Variants in SLC2A9 observed in about 807,000 individuals in gnomAD.
SLC2A9 encodes solute carrier family 2 member 9.
SLC2A9 carries 39 observed loss-of-function variants against 50.6 expected under a neutral mutation model. The ratio of observed to expected loss-of-function variants is 0.77; its 90% confidence interval spans 0.60 to 1.01. The LOEUF (loss-of-function observed/expected upper bound fraction) is 1.01. SLC2A9 is among the 50% of genes least tolerant of loss of function. The probability of loss-of-function intolerance (pLI) is 0.00; values close to 1 mark genes in which losing one functional copy is unlikely to be tolerated. For missense variants in SLC2A9, 686 were observed against 677.6 expected (o/e 1.01, Z -0.14); for synonymous variants, 324 against 276.9 (o/e 1.17, Z -1.69).
chr4:9,951,381 T>G (rs988920181), intron 5 of SLC2A9, among the ~76,000 whole-genome samples: 1 of 152,256 alleles, frequency 6.6e-6, no homozygotes, highest in Admixed American at 6.5e-5. Flanking sequence ...CTGAAGGGTA[T>G]AAAAAGGAAT....
upstream of SLC2A9, chr4:10,026,136 C>A: frequency 1.5e-6 from 1 of 652,802 alleles, no homozygotes; most frequent in East Asian, 2.8e-5. Flanking sequence ...CAGGATAGGA[C>A]ACAGCAGCAT....
intron 10 of SLC2A9, among the ~76,000 whole-genome samples, chr4:9,846,541 G>A (rs561747434): frequency 7.9e-5 from 12 of 152,286 alleles, no homozygotes; most frequent in African/African-American, 2.6e-4. Flanking sequence ...TGGCTCTGCT[G>A]ACCACCAGGT....
In SLC2A9 at chr4:9,955,867, A is replaced by ATTTTT. The variant is rs1170286158; in HGVS notation, c.682-13827_682-13823dup. ...TCTGAGGTAGGGCTCAAGCATCTGG[A>ATTTTT]TTTTTTTTTTTTTTTTTTTTTTTTT... On this transcript the variant is annotated intron_variant, in intron 5 of 11. Coordinates refer to ENST00000264784, the MANE Select transcript of SLC2A9 (RefSeq NM_020041.3). 5.7e-3 allele frequency among the ~76,000 whole-genome samples: 353 copies of ATTTTT among 61,694 alleles called. 88 individuals are homozygous for ATTTTT. The highest frequency in any genetic ancestry group is 0.019 in the African/African-American group (279 of 14,400). 40.5% of individuals were successfully genotyped at this position (61,694 alleles called of 152,430 possible).
At chr4:10,023,426 C>A (rs1437086108), upstream of SLC2A9, among the ~76,000 whole-genome samples, 1 of 152,226 alleles carries the variant, frequency 6.6e-6, no homozygotes, top group African/African-American at 2.4e-5. Context: ...TCTCTATACC[C>A]TCCCTGTTTC....
At chr4:9,998,114 C>T (rs534896469) in intron 2 of SLC2A9, among the ~76,000 whole-genome samples, 1 of 152,170 alleles carries the variant, frequency 6.6e-6, no homozygotes, top group Non-Finnish European at 1.5e-5. Context: ...TCATCGCTGC[C>T]AATTCTGATT....
chr4:9,917,325 C>CTTTTTTTTTTT (rs55927201), intron 7 of SLC2A9, among the ~76,000 whole-genome samples: 36 of 81,806 alleles, frequency 4.4e-4, no homozygotes, highest in African/African-American at 6.6e-4. Context: ...TTCTTTTTTC[C>CTTTTTTTTTTT]TTTTTTTTTT....
intron 3 of SLC2A9, among the ~76,000 whole-genome samples, chr4:9,792,409 A>G (rs961691845): frequency 2.0e-5 from 3 of 151,692 alleles, no homozygotes; most frequent in Non-Finnish European, 2.9e-5. Flanking sequence ...GTTGGTCTCA[A>G]ACTCCTGAGC....
Position 9,969,548 on chromosome 4 carries a change from T to C in SLC2A9, c.681+11044A>G, listed in dbSNP as rs146658616. On this transcript the variant is annotated intron_variant, in intron 5 of 11. Coordinates refer to ENST00000264784, the MANE Select transcript of SLC2A9 (RefSeq NM_020041.3). ...CCAAGATGGCAGATTAGAGGCATTGTTAGCATGCCTCTTGTATTAGTCCCT... is the reference window on the plus strand; with the variant it reads ...CCAAGATGGCAGATTAGAGGCATTGCTAGCATGCCTCTTGTATTAGTCCCT... 3.2e-3 allele frequency among the ~76,000 whole-genome samples: 495 copies of C among 152,330 alleles called. 2 individuals carry two copies. Among genetic ancestry groups the C allele is most frequent in the Non-Finnish European group, 4.8e-3 (327 of 68,016 alleles).
intron 3 of SLC2A9, among the ~76,000 whole-genome samples, chr4:9,793,688 TG>T (rs369722598): frequency 5.9e-5 from 9 of 152,318 alleles, no homozygotes; most frequent in African/African-American, 2.2e-4. Context: ...GTTTTTTGTT[TG>T]GTTTTGGTAT....
intron 8 of SLC2A9, among the ~76,000 whole-genome samples, chr4:9,896,563 CCTT>C (rs377200271): frequency 1.1e-3 from 169 of 152,290 alleles, no homozygotes; most frequent in African/African-American, 3.7e-3. Context: ...CTTTTTATCT[CCTT>C]AACAATACCT....
chr4:9,845,264 C>T (rs963257367), intron 10 of SLC2A9, among the ~76,000 whole-genome samples: 2 of 151,806 alleles, frequency 1.3e-5, no homozygotes, highest in African/African-American at 4.8e-5. Context: ...CCGCCTGCCT[C>T]GGCCCCCCAA....
intron 10 of SLC2A9, among the ~76,000 whole-genome samples, chr4:9,861,286 G>A (rs1445679918): frequency 9.2e-5 from 14 of 151,920 alleles, no homozygotes; most frequent in Admixed American, 9.2e-4. Context: ...AATAGAGGGT[G>A]GGGAGGTACC....
intron 5 of SLC2A9, among the ~76,000 whole-genome samples, chr4:9,944,985 T>G (rs1455003092): frequency 6.6e-6 from 1 of 152,230 alleles, no homozygotes; most frequent in Non-Finnish European, 1.5e-5. Flanking sequence ...GTGCCTAGCC[T>G]GCTCACTCAT....
chr4:9,858,474 C>T (rs1467547309), intron 10 of SLC2A9, among the ~76,000 whole-genome samples: 2 of 152,136 alleles, frequency 1.3e-5, no homozygotes, highest in East Asian at 3.8e-4. Flanking sequence ...TTCATTCTCC[C>T]TCATAAAAGT....
downstream of SLC2A9, among the ~76,000 whole-genome samples, chr4:9,795,319 C>A (rs1720467867): frequency 1.3e-5 from 2 of 152,120 alleles, no homozygotes; most frequent in Admixed American, 1.3e-4. Context: ...TGCATTAACC[C>A]ATTCTATCCT....
chr4:10,035,132 C>T (rs952806939), intron 1 of SLC2A9: 1 of 152,282 alleles, frequency 6.6e-6, no homozygotes, highest in African/African-American at 2.4e-5. Context: ...AGCACTGCCA[C>T]CCCGCAGGTT....
At chr4:9,953,968 C>T (rs549697960) in intron 5 of SLC2A9, among the ~76,000 whole-genome samples, 30 of 152,210 alleles carry the variant, frequency 2.0e-4, no homozygotes, top group Non-Finnish European at 5.9e-5. Flanking sequence ...AGCCACCATG[C>T]CCGGCTGATT....
intron 5 of SLC2A9, among the ~76,000 whole-genome samples, chr4:9,947,806 G>A (rs1358831540): frequency 6.6e-6 from 1 of 152,010 alleles, no homozygotes; most frequent in Non-Finnish European, 1.5e-5. Context: ...ATGATCTCAA[G>A]CCTGCCTCCC....
chr4:10,000,940 C>A, intron 2 of SLC2A9, among the ~76,000 whole-genome samples: 1 of 152,200 alleles, frequency 6.6e-6, no homozygotes, highest in East Asian at 1.9e-4. Flanking sequence ...CCTCACTCAT[C>A]CCTGACTGTT....
Sources: allele counts gnomAD v4.1 joint callset (sites outside exome capture counted in the v4.1 genomes callset), GRCh38; gene constraint gnomAD v4.1.1; transcripts MANE v1.5; gene names NCBI Gene and HGNC (gene_info 2026-07-23, HGNC 2026-07-21).